ZBTB8B: variants seen among roughly 807,000 people sequenced by gnomAD.
ZBTB8B encodes the protein zinc finger and BTB domain-containing protein 8B.
In ZBTB8B, 17 loss-of-function variants were observed where a neutral mutation model predicts 30.3. The ratio of observed to expected loss-of-function variants is 0.56; its 90% CI spans 0.38 to 0.84. ZBTB8B has a LOEUF of 0.84. Among genes scored for constraint, ZBTB8B ranks in the 40% least tolerant of loss-of-function variants. The pLI is 0.00. For synonymous variants in ZBTB8B, 248 were observed against 255.6 expected (o/e 0.97, Z 0.28); for missense variants, 515 against 644.9 (o/e 0.80, Z 2.18).
chr1:32,485,201 G>A lies in ZBTB8B; in HGVS notation c.1271G>A (p.Cys424Tyr). The A allele has an allele frequency of 6.4e-7, 1 of 1,551,950 alleles. No individual in the cohort carries two copies. The highest frequency in any genetic ancestry group is 8.7e-7 in the Non-Finnish European group (1 of 1,147,062). Residue 424 changes from cysteine to tyrosine, a missense_variant, in exon 4 of 4, where the codon TGC (cysteine) becomes TAC (tyrosine). Cys to Tyr is a radical substitution (Grantham distance 194). Coordinates refer to ENST00000609129, the MANE Select transcript of ZBTB8B (RefSeq NM_001145720.2). ...CGGCGCTTCGGGCTGTGTGACAGCTGCACCTGCGTTACAGACACACCCGAT... is the reference window on the plus strand; with the variant it reads ...CGGCGCTTCGGGCTGTGTGACAGCTACACCTGCGTTACAGACACACCCGAT... ...GLRRFGLCDSCTCVTDTPDDD... is the reference protein window; with the variant it reads ...GLRRFGLCDSYTCVTDTPDDD...
chr1:32,482,388 A>G (rs1243527264), intron 3 of ZBTB8B, among the ~76,000 whole-genome samples: 3 of 151,786 alleles, frequency 2.0e-5, no homozygotes, highest in Admixed American at 1.3e-4. Context: ...GAATACGAAA[A>G]CTGGCCGGGC....
intron 3 of ZBTB8B, 69 bp from the exon 4 acceptor site, chr1:32,485,032 A>G: frequency 6.8e-7 from 1 of 1,472,034 alleles, no homozygotes; most frequent in Non-Finnish European, 9.2e-7. Context: ...GGGCCAGATC[A>G]CACGGGGCCT....
intron 2 of ZBTB8B, among the ~76,000 whole-genome samples, chr1:32,472,231 G>T (rs1351301953): frequency 6.6e-6 from 1 of 152,222 alleles, no homozygotes; most frequent in African/African-American, 2.4e-5. Flanking sequence ...TGGAATGTAA[G>T]TGTGTTGGGG....
At position 32,485,930 on chromosome 1, in the gene ZBTB8B, A is replaced by G. The variant is rs1643741967; in HGVS notation, c.*512A>G. The G allele has an allele frequency of 1.3e-5, 2 of 158,044 alleles. No homozygotes were observed. The highest frequency in any genetic ancestry group is 4.8e-5 in the African/African-American group (2 of 41,486). 9.8% of individuals were successfully genotyped at this position (158,044 alleles called of 1,614,324 possible). Reference sequence around the variant, plus strand: ...AAAGCAGGCAGGGCGGTCTGGCTACATGATCATAAAAGGTACTCCCTAAAT... The same window carrying G: ...AAAGCAGGCAGGGCGGTCTGGCTACGTGATCATAAAAGGTACTCCCTAAAT... On this transcript the variant is annotated 3_prime_UTR_variant, in exon 4 of 4. Coordinates refer to ENST00000609129, the MANE Select transcript of ZBTB8B (RefSeq NM_001145720.2).
intron 2 of ZBTB8B, among the ~76,000 whole-genome samples, chr1:32,475,657 A>T (rs1008348793): frequency 2.0e-5 from 3 of 152,114 alleles, no homozygotes; most frequent in African/African-American, 7.2e-5. Context: ...GTTGAAAGAC[A>T]CTCAGAGGTA....
intron 2 of ZBTB8B, among the ~76,000 whole-genome samples, chr1:32,477,259 T>C (rs1261865986): frequency 6.6e-6 from 1 of 152,236 alleles, no homozygotes; most frequent in African/African-American, 2.4e-5. Context: ...TATGAATATG[T>C]TTACATATCT....
At chr1:32,470,499 CA>C (rs60700558) in intron 1 of ZBTB8B, 84 bp from the exon 2 acceptor site, 25,815 of 354,146 alleles carry the variant, frequency 0.073, 4 homozygotes, top group South Asian at 0.12. Context: ...GACGCTGACT[CA>C]AAAAAAAAAA....
chr1:32,474,285 T>C (rs1046380276), intron 2 of ZBTB8B, among the ~76,000 whole-genome samples: 2 of 128,818 alleles, frequency 1.6e-5, no homozygotes, highest in African/African-American at 3.0e-5. Flanking sequence ...GGAGGGAGGA[T>C]TGCTTGAGCC....
Position 32,471,329 on chromosome 1 carries a change from T to C in ZBTB8B, c.705T>C (p.Ala235=), listed in dbSNP as rs1173308751. 1 of 1,551,796 alleles carries C rather than the reference T, an allele frequency of 6.4e-7. No individual in the cohort carries two copies. Among genetic ancestry groups the C allele is most frequent in the Non-Finnish European group, 8.7e-7 (1 of 1,147,020 alleles). Residue 235 remains alanine (A), a synonymous_variant, in exon 2 of 4, where the codon GCT becomes GCC. Coordinates refer to ENST00000609129, the MANE Select transcript of ZBTB8B (RefSeq NM_001145720.2). ...TAGAGCCCAAGGTGGAATTTGATGC[T>C]GATGAAGTGGAGGTGGACGTTGGTG... ...KRIEPKVEFD[A]DEVEVDVGEQ...
chr1:32,482,561 C>T (rs936243297), intron 3 of ZBTB8B, among the ~76,000 whole-genome samples: 4 of 150,270 alleles, frequency 2.7e-5, no homozygotes, highest in Non-Finnish European at 5.9e-5. Flanking sequence ...GTCCCAGCTA[C>T]TCAGGAGGCT....
Position 32,471,037 on chromosome 1 carries a change from TGGCGGCGGCAGCGGCGGCGGCTGCAGC to T in ZBTB8B, c.420_446del (p.Ala145_Ala153del). The T allele has an allele frequency of 6.5e-7, 1 of 1,549,618 alleles. No individual in the cohort carries two copies. The highest frequency in any genetic ancestry group is 8.7e-7 in the Non-Finnish European group (1 of 1,145,624). ...AAGGAGGCTGCTGTGGCTGCAGCAG[TGGCGGCGGCAGCGGCGGCGGCTGCAGC>T]GGCGGCAGCAGCGGCGGCTCATCAG... On this transcript the variant is annotated inframe_deletion, in exon 2 of 4. Coordinates refer to ENST00000609129, the MANE Select transcript of ZBTB8B (RefSeq NM_001145720.2).
At chr1:32,477,738 CAAA>C (rs544220090) in intron 2 of ZBTB8B, among the ~76,000 whole-genome samples, 2 of 100,858 alleles carry the variant, frequency 2.0e-5, no homozygotes, top group Admixed American at 1.1e-4. Flanking sequence ...TCTGTCTCTA[CAAA>C]AAAAAAAAAA....
rs1643760935 is a variant in ZBTB8B at position 32,488,608 on chromosome 1, C to A, written c.*3190C>A. ...GGAAGCTGCCAAACATCCTGAAATG[C>A]ACAGGACAGTCCCCACAACAATGAA... On this transcript the variant is annotated 3_prime_UTR_variant, in exon 4 of 4. Coordinates refer to ENST00000609129, the MANE Select transcript of ZBTB8B (RefSeq NM_001145720.2). The A allele has an allele frequency of 6.6e-6, 1 of 152,088 alleles. No homozygotes were observed. 9.4% of individuals were successfully genotyped at this position (152,088 alleles called of 1,614,324 possible).
chr1:32,492,720 A>T lies in ZBTB8B; in HGVS notation c.*7302A>T, dbSNP rs1418821150. ...CTCATTCAGTAGTTATCAAACAATTATTTATGGAGTCTTTACTGTATGTCA... is the reference window on the plus strand; with the variant it reads ...CTCATTCAGTAGTTATCAAACAATTTTTTATGGAGTCTTTACTGTATGTCA... On this transcript the variant is annotated 3_prime_UTR_variant, in exon 4 of 4. Coordinates refer to ENST00000609129, the MANE Select transcript of ZBTB8B (RefSeq NM_001145720.2). The T allele has an allele frequency of 1.3e-5, 2 of 152,178 alleles. No homozygotes were observed. Among genetic ancestry groups the T allele is most frequent in the African/African-American group, 4.8e-5 (2 of 41,408 alleles). The allele number at this position is 152,178 out of a possible 1,614,324, so 9.4% of individuals were successfully genotyped here. A position where few individuals can be genotyped will look rare whatever the true frequency, so the allele number is the denominator to read the frequency against.
At chr1:32,472,953 T>G (rs1266102542) in intron 2 of ZBTB8B, among the ~76,000 whole-genome samples, 4 of 152,238 alleles carry the variant, frequency 2.6e-5, no homozygotes, top group Non-Finnish European at 1.5e-5. Flanking sequence ...TTTGACATCA[T>G]GTGAGCTAAT....
rs79396797 is a variant in ZBTB8B at position 32,468,333 on chromosome 1, A to G, written c.-41-2251A>G. Among the ~76,000 whole-genome samples the G allele has an allele frequency of 2.5e-3, 375 of 152,274 alleles. 2 individuals carry two copies. The highest frequency in any genetic ancestry group is 8.7e-3 in the African/African-American group (360 of 41,562). On this transcript the variant is annotated intron_variant, in intron 1 of 3. Coordinates refer to ENST00000609129, the MANE Select transcript of ZBTB8B (RefSeq NM_001145720.2). ...CCTCACATCCTGCATCCCACAGAGC[A>G]AAGAGTGCTCTTTTTTGAAATTCCA... is the stretch of plus-strand genomic sequence containing the variant.
chr1:32,491,750 C>T lies in ZBTB8B; in HGVS notation c.*6332C>T, dbSNP rs1291488094. ...CTTCCTATCAGGCATTTATAGTTCT[C>T]CCAGTCCAGATGCAGTTTACCAATT... On this transcript the variant is annotated 3_prime_UTR_variant, in exon 4 of 4. Transcript: ENST00000609129. The T allele has an allele frequency of 6.6e-6, 1 of 152,208 alleles. No individual in the cohort carries two copies. The highest frequency in any genetic ancestry group is 1.5e-5 in the Non-Finnish European group (1 of 68,036). 9.4% of individuals were successfully genotyped at this position (152,208 alleles called of 1,614,324 possible).
rs901291950 is a variant in ZBTB8B, at chr1:32,470,618, C to T, written c.-7C>T. On this transcript the variant is annotated 5_prime_UTR_variant, in exon 2 of 4. Transcript: ENST00000609129. ...TTTGCTCTGGAGCAGCAGCAGCTGG[C>T]GGAGCAATGGAGATGCAATCCTATT... The T allele has an allele frequency of 1.6e-5, 25 of 1,540,512 alleles. No homozygotes were observed. Among genetic ancestry groups the T allele is most frequent in the Middle Eastern group, 1.7e-4 (1 of 5,914 alleles).
chr1:32,471,577 T>A lies in ZBTB8B; in HGVS notation c.953T>A (p.Met318Lys), dbSNP rs1005570671. ...PEGAGVAMSS[M>K]MDVQADWYGE... ...GGTGCAGGAGTAGCCATGAGTTCCA[T>A]GATGGATGTCCAGGCTGACTGGTAT... Residue 318 changes from methionine (M) to lysine (K), a missense_variant, in exon 2 of 4, where the codon ATG becomes AAG. Met to Lys is a moderately conservative substitution (Grantham distance 95). Around this residue, in one of 3 missense-constraint regions of ZBTB8B, gnomAD observed 429 missense variants for 504.3 expected, o/e 0.85. Transcript: ENST00000609129. The A allele has an allele frequency of 1.5e-5, 24 of 1,551,644 alleles. No individual in the cohort carries two copies. The highest frequency in any genetic ancestry group is 2.1e-5 in the Non-Finnish European group (24 of 1,146,988).
Sources: allele counts gnomAD v4.1 joint callset (sites outside exome capture counted in the v4.1 genomes callset), GRCh38; gene constraint gnomAD v4.1.1; regional missense constraint gnomAD v4.1.1; transcripts MANE v1.5; gene names NCBI Gene and HGNC (gene_info 2026-07-23, HGNC 2026-07-21).